EHMT1: variants seen among roughly 807,000 people sequenced by gnomAD.
The protein encoded by EHMT1 is histone-lysine N-methyltransferase EHMT1.
EHMT1 carries 15 observed loss-of-function variants against 147.2 expected under a neutral mutation model. The ratio of observed to expected loss-of-function variants is 0.10; its 90% CI spans 0.07 to 0.16. The LOEUF is 0.16. Among genes scored for constraint, EHMT1 ranks in the 10% least tolerant of loss-of-function variants. The probability of loss-of-function intolerance (pLI) is 1.00; values close to 1 mark genes in which losing one functional copy is unlikely to be tolerated. For synonymous variants in EHMT1, 795 were observed against 709.6 expected (o/e 1.12, Z -1.91); for missense variants, 1,587 against 1,772.4 (o/e 0.90, Z 1.88).
intron 1 of EHMT1, among the ~76,000 whole-genome samples, chr9:137,674,096 G>T (rs983415185): frequency 6.6e-6 from 1 of 152,216 alleles, no homozygotes; most frequent in Non-Finnish European, 1.5e-5. Context: ...GGGCGATCCA[G>T]GGTGGGCAGG....
At chr9:137,791,041 A>G (rs562915761) in intron 16 of EHMT1, 71 bp downstream of exon 16, 4 of 1,612,772 alleles carry the variant, frequency 2.5e-6, no homozygotes, top group South Asian at 1.1e-5. Flanking sequence ...AGCAAGGGAC[A>G]TCCTTACTGA....
intron 1 of EHMT1, among the ~76,000 whole-genome samples, chr9:137,709,633 C>T (rs965687683): frequency 3.3e-5 from 5 of 151,700 alleles, no homozygotes; most frequent in African/African-American, 4.9e-5. Flanking sequence ...CATGTTTTCT[C>T]ATCCAGACGC....
At chr9:137,804,913 A>G (rs1490803532) in intron 18 of EHMT1, among the ~76,000 whole-genome samples, 1 of 152,102 alleles carries the variant, frequency 6.6e-6, no homozygotes, top group Non-Finnish European at 1.5e-5. Context: ...GTGTTATTCC[A>G]CATGTGTCAG....
At chr9:137,690,397 G>A (rs1942833404) in intron 1 of EHMT1, among the ~76,000 whole-genome samples, 1 of 151,310 alleles carries the variant, frequency 6.6e-6, no homozygotes, top group Non-Finnish European at 1.5e-5. Flanking sequence ...TCATCCCAGC[G>A]CTTTGAGAGG....
intron 18 of EHMT1, among the ~76,000 whole-genome samples, chr9:137,804,582 T>C (rs1327268198): frequency 6.6e-6 from 1 of 152,228 alleles, no homozygotes; most frequent in African/African-American, 2.4e-5. Flanking sequence ...TAAAGTTTGG[T>C]TTATCAACGT....
intron 1 of EHMT1, among the ~76,000 whole-genome samples, chr9:137,620,912 A>G (rs969947391): frequency 9.2e-5 from 14 of 152,104 alleles, no homozygotes; most frequent in African/African-American, 2.4e-4. Flanking sequence ...CTTGTGTCCA[A>G]CCCTGCCATA....
chr9:137,700,720 A>C (rs1293524553), intron 1 of EHMT1, among the ~76,000 whole-genome samples: 3 of 152,126 alleles, frequency 2.0e-5, no homozygotes, highest in Non-Finnish European at 4.4e-5. Flanking sequence ...TTGAGGTTTT[A>C]TTATAGGCTG....
At chr9:137,774,065 G>GT (rs151306713) in intron 10 of EHMT1, among the ~76,000 whole-genome samples, 19 of 152,308 alleles carry the variant, frequency 1.2e-4, no homozygotes, top group African/African-American at 4.6e-4. Flanking sequence ...CAGACTCTGT[G>GT]TCCTGCTCCT....
intron 9 of EHMT1, among the ~76,000 whole-genome samples, chr9:137,759,818 G>A (rs1040821443): frequency 3.3e-5 from 5 of 152,214 alleles, no homozygotes; most frequent in Admixed American, 1.3e-4. Context: ...GCTGGATGGC[G>A]TCTGGGGCTC....
intron 1 of EHMT1, among the ~76,000 whole-genome samples, chr9:137,671,516 C>CTTTCT (rs1166179717): frequency 1.6e-5 from 2 of 125,444 alleles, no homozygotes; most frequent in African/African-American, 5.8e-5. Context: ...GGATCCTTTT[C>CTTTCT]TTTCTTTTTT....
intron 10 of EHMT1, among the ~76,000 whole-genome samples, chr9:137,774,596 G>T (rs1950815703): frequency 8.1e-6 from 1 of 123,870 alleles, no homozygotes; most frequent in South Asian, 3.2e-4. Context: ...GGTGGGTATG[G>T]TCGCGCCTGG....
Position 137,775,606 on chromosome 9 carries a change from G to A in EHMT1, c.1791+354G>A, listed in dbSNP as rs183063072. On this transcript the variant is annotated intron_variant, in intron 11 of 26. Coordinates refer to ENST00000460843, the MANE Select transcript of EHMT1 (RefSeq NM_024757.5). This position sits in a 1 kb window ranked among gnomAD's most constrained non-coding sequence, Gnocchi z 6.1. ...AGAGCAGTGGTGAGGGGCTTGTGACGCACTGGAGACTCCAGGTGGAGGCTG... is the reference window on the plus strand; with the variant it reads ...AGAGCAGTGGTGAGGGGCTTGTGACACACTGGAGACTCCAGGTGGAGGCTG... Among the ~76,000 whole-genome samples the A allele has an allele frequency of 1.1e-4, 17 of 151,952 alleles. No individual in the cohort carries two copies. The highest frequency in any genetic ancestry group is 3.4e-3 in the Middle Eastern group (1 of 294).
intron 6 of EHMT1, chr9:137,745,437 A>G (rs1948460583): frequency 2.5e-6 from 1 of 398,500 alleles, no homozygotes; most frequent in Admixed American, 4.4e-5. Flanking sequence ...TTTTTATTTT[A>G]AGATAATTAT....
At chr9:137,636,894 CTCTT>C (rs1450084930) in intron 1 of EHMT1, among the ~76,000 whole-genome samples, 1 of 142,396 alleles carries the variant, frequency 7.0e-6, no homozygotes, top group Non-Finnish European at 1.5e-5. Flanking sequence ...GACAGTTTCA[CTCTT>C]TTTTTTTTTT....
chr9:137,646,134 AT>A (rs1378149883), intron 1 of EHMT1, among the ~76,000 whole-genome samples: 4 of 151,922 alleles, frequency 2.6e-5, no homozygotes, highest in Admixed American at 6.6e-5. Flanking sequence ...AACTTTTTGT[AT>A]TTTAAATAGG....
chr9:137,676,647 T>G (rs1013499584), intron 1 of EHMT1: 2 of 152,388 alleles, frequency 1.3e-5, no homozygotes, highest in African/African-American at 4.8e-5. Flanking sequence ...TTACGCCAAA[T>G]GCTTTTGTGC....
At chr9:137,793,533 C>T (rs1394182075) in intron 16 of EHMT1, among the ~76,000 whole-genome samples, 2 of 152,236 alleles carry the variant, frequency 1.3e-5, no homozygotes, top group Admixed American at 1.3e-4. Context: ...GTAGCAACTC[C>T]ACTCCTAAGT....
At chr9:137,741,785 TTTGG>T (rs1421250029) in intron 4 of EHMT1, among the ~76,000 whole-genome samples, 1 of 152,128 alleles carries the variant, frequency 6.6e-6, no homozygotes, top group African/African-American at 2.4e-5. Context: ...TTTCAACCTG[TTTGG>T]TTGGGAAAAA....
In EHMT1 at chr9:137,787,996, G is replaced by GT. The variant is rs1952131959; in HGVS notation, c.2383-2851dup. 6.8e-7 allele frequency: 1 copy of GT among 1,468,260 alleles called. No individual in the cohort carries two copies. The highest frequency in any genetic ancestry group is 1.2e-5 in the South Asian group (1 of 86,290). 91.0% of individuals were successfully genotyped at this position (1,468,260 alleles called of 1,614,324 possible). ...CCCCCAGGAACTGAGGTGCCCTGCA[G>GT]TAAGTGGAGAGGCCAGGCCCTAGGC... On this transcript the variant is annotated intron_variant, in intron 15 of 26. Transcript: ENST00000460843. The surrounding 1 kb of genome is among the most constrained non-coding windows in gnomAD (Gnocchi z 4.2).
Sources: allele counts gnomAD v4.1 joint callset (sites outside exome capture counted in the v4.1 genomes callset), GRCh38; gene constraint gnomAD v4.1.1; non-coding constraint Gnocchi (gnomAD v3.1); transcripts MANE v1.5; gene names NCBI Gene and HGNC (gene_info 2026-07-23, HGNC 2026-07-21).